Variants in MYO1B observed in about 807,000 individuals in gnomAD.
MYO1B encodes the protein myosin IB, also known as unconventional myosin-Ib.
Under a neutral mutation model 159.7 loss-of-function variants are expected in MYO1B, and 72 were observed. The ratio of observed to expected loss-of-function variants is 0.45; its 90% CI spans 0.37 to 0.55. MYO1B has a LOEUF of 0.55. Among genes scored for constraint, MYO1B ranks in the 20% least tolerant of loss-of-function variants. The pLI is 0.00. For missense variants in MYO1B, 1,062 were observed against 1,364.8 expected, an observed-to-expected ratio of 0.78 and a Z score of 3.50; for synonymous variants, 468 against 473.8, an observed-to-expected ratio of 0.99 and a Z score of 0.16.
intron 4 of MYO1B, among the ~76,000 whole-genome samples, chr2:191,330,249 C>T (rs7561305): frequency 1.4e-4 from 21 of 152,216 alleles, no homozygotes; most frequent in African/African-American, 4.3e-4. Context: ...AGTCTAGTGC[C>T]GGATTCTAGA....
intron 3 of MYO1B, among the ~76,000 whole-genome samples, chr2:191,318,474 T>G (rs1273011043): frequency 6.6e-6 from 1 of 152,216 alleles, no homozygotes; most frequent in South Asian, 2.1e-4. Flanking sequence ...ATGTGTACTA[T>G]GTAGAGCTCC....
chr2:191,334,255 C>T (rs796084157), intron 4 of MYO1B, among the ~76,000 whole-genome samples: 2 of 152,052 alleles, frequency 1.3e-5, no homozygotes, highest in South Asian at 4.2e-4. Flanking sequence ...GAAGACAGCA[C>T]GTCCACTAAT....
Position 191,411,094 on chromosome 2 carries a change from A to G in MYO1B, c.2795A>G (p.Asp932Gly), listed in dbSNP as rs772806903. 2.5e-6 allele frequency: 4 copies of G among 1,611,580 alleles called. No individual in the cohort carries two copies. Among genetic ancestry groups the G allele is most frequent in the Non-Finnish European group, 3.4e-6 (4 of 1,179,100 alleles). The change falls in exon 27 of 31, where the codon GAC becomes GGC. Residue 932 changes from aspartate to glycine, a missense_variant. By Grantham distance (94) the Asp-to-Gly change is moderately conservative (BLOSUM62 -1). Coordinates refer to ENST00000392318, the MANE Select transcript of MYO1B (RefSeq NM_001130158.3). ...RCKKYRDQFT[D>G]QQKLIYEEKL... Reference sequence around the variant, plus strand: ...AAAAAATACAGGGACCAATTCACAGACCAGCAGAAACTTATTTATGAAGAG... The same window carrying G: ...AAAAAATACAGGGACCAATTCACAGGCCAGCAGAAACTTATTTATGAAGAG...
intron 11 of MYO1B, among the ~76,000 whole-genome samples, chr2:191,369,257 G>A (rs115129521): frequency 2.6e-5 from 4 of 152,020 alleles, no homozygotes; most frequent in Non-Finnish European, 4.4e-5. Flanking sequence ...TCTAAATTGC[G>A]TCTGATTTTT....
At position 191,392,205 on chromosome 2, in the gene MYO1B, T is replaced by A; in HGVS notation, c.2076+4T>A. 6.3e-7 allele frequency: 1 copy of A among 1,593,034 alleles called. No individual in the cohort carries two copies. Among genetic ancestry groups the A allele is most frequent in the Non-Finnish European group, 8.6e-7 (1 of 1,164,410 alleles). ...ATTCATCCGAAACCCAAGAACAGTA[T>A]GTAACGAAAACCTTTACACTCTGAA... On this transcript the variant is annotated splice_donor_region_variant and intron_variant, in intron 19 of 30. Coordinates refer to ENST00000392318, the MANE Select transcript of MYO1B (RefSeq NM_001130158.3).
intron 3 of MYO1B, among the ~76,000 whole-genome samples, chr2:191,301,006 G>T (rs1002504025): frequency 1.3e-5 from 2 of 152,020 alleles, no homozygotes; most frequent in South Asian, 4.1e-4. Flanking sequence ...TTGTGGGTCT[G>T]TTAGTCCCCC....
At chr2:191,309,176 G>A (rs1689836787) in intron 3 of MYO1B, among the ~76,000 whole-genome samples, 1 of 152,122 alleles carries the variant, frequency 6.6e-6, no homozygotes, top group African/African-American at 2.4e-5. Context: ...CTTCAAACCA[G>A]ACTTAGGATT....
At chr2:191,397,815 C>T (rs76539043) in intron 21 of MYO1B, among the ~76,000 whole-genome samples, 111,827 of 136,606 alleles carry the variant, frequency 0.82, 49,038 homozygotes, top group Non-Finnish European at 0.97. Flanking sequence ...TCTGGCCGGG[C>T]GGGGGGCTGA....
intron 30 of MYO1B, among the ~76,000 whole-genome samples, chr2:191,418,292 A>AGCTGACACAT (rs1697702501): frequency 2.0e-5 from 3 of 152,102 alleles, no homozygotes; most frequent in African/African-American, 7.2e-5. Context: ...TGTCAGCCCT[A>AGCTGACACAT]AGTGGCTTCG....
At chr2:191,315,025 C>G (rs1690253164) in intron 3 of MYO1B, among the ~76,000 whole-genome samples, 1 of 152,102 alleles carries the variant, frequency 6.6e-6, no homozygotes. Flanking sequence ...GTAAGAGTTG[C>G]AAATGTTACA....
chr2:191,397,189 T>TTTA (rs1159859404), intron 21 of MYO1B, among the ~76,000 whole-genome samples: 8 of 148,008 alleles, frequency 5.4e-5, no homozygotes, highest in African/African-American at 2.0e-4. Flanking sequence ...TATTTTTTAT[T>TTTA]TTATTTTATT....
intron 3 of MYO1B, among the ~76,000 whole-genome samples, chr2:191,298,665 A>G (rs547548342): frequency 6.6e-6 from 1 of 152,308 alleles, no homozygotes; most frequent in South Asian, 2.1e-4. Flanking sequence ...AACAATAATA[A>G]TAGTAATAAT....
chr2:191,389,273 T>C (rs1414473099), intron 17 of MYO1B, among the ~76,000 whole-genome samples: 1 of 152,250 alleles, frequency 6.6e-6, no homozygotes, highest in Non-Finnish European at 1.5e-5. Context: ...AATTTCACAG[T>C]TGTAGTTAGG....
At chr2:191,328,553 C>T (rs907897828) in intron 3 of MYO1B, among the ~76,000 whole-genome samples, 6 of 152,206 alleles carry the variant, frequency 3.9e-5, no homozygotes, top group Admixed American at 6.5e-5. Context: ...AATGACTAAA[C>T]GTAAAGAGCT....
Position 191,414,547 on chromosome 2 carries a change from A to G in MYO1B, c.3037A>G (p.Asn1013Asp). 6.2e-7 allele frequency: 1 copy of G among 1,611,886 alleles called. No individual in the cohort carries two copies. Residue 1013 changes from asparagine to aspartate, a missense_variant, in exon 29 of 31, where the codon AAT becomes GAT. Physicochemically the swap from Asn to Asp is conservative, Grantham distance 23 (BLOSUM62 1). Transcript: ENST00000392318. The part of the protein sequence containing the change: ...STSRIFLLTN[N>D]NLLLADQKSG... ...ATCTCGGATTTTCCTCTTAACAAAC[A>G]ATAATCTCCTTCTTGCTGACCAAAA...
rs148048883 is a variant in MYO1B at position 191,281,902 on chromosome 2, G to A, written c.135+4872G>A. Among the ~76,000 whole-genome samples, 110 of 152,296 alleles carry A rather than the reference G, an allele frequency of 7.2e-4. 1 individual carries two copies. The highest frequency in any genetic ancestry group is 3.4e-3 in the Middle Eastern group (1 of 294). On this transcript the variant is annotated intron_variant, in intron 2 of 30. Transcript: ENST00000392318. ...TTTTAGATCTTATGTTAAACTAATTGTAGTTGTAGGAGTGACTACTTTAAA... is the reference window on the plus strand; with the variant it reads ...TTTTAGATCTTATGTTAAACTAATTATAGTTGTAGGAGTGACTACTTTAAA...
chr2:191,267,677 C>T (rs1687223234), intron 1 of MYO1B, among the ~76,000 whole-genome samples: 1 of 152,202 alleles, frequency 6.6e-6, no homozygotes. Flanking sequence ...GCAGGGCACC[C>T]CGTGTGGTTC....
At chr2:191,398,393 G>C (rs1398397265) in intron 21 of MYO1B, among the ~76,000 whole-genome samples, 1 of 104,522 alleles carries the variant, frequency 9.6e-6, no homozygotes, top group East Asian at 2.7e-4. Context: ...CTCACCTCCC[G>C]GACGGGGCGG....
rs932592834 is a variant in MYO1B at position 191,396,462 on chromosome 2, G to A, written c.2260G>A (p.Ala754Thr). 1.9e-6 allele frequency: 3 copies of A among 1,614,126 alleles called. No homozygotes were observed. Among genetic ancestry groups the A allele is most frequent in the East Asian group, 2.2e-5 (1 of 44,874 alleles). Residue 754 changes from alanine (A) to threonine (T), a missense_variant, in exon 21 of 31, where the codon GCC becomes ACC. By Grantham distance (58) the Ala-to-Thr change is moderately conservative (BLOSUM62 0). Transcript: ENST00000392318. ...GAGGTACCAGCAGACAAAGAGTTCC[G>A]CCTTAGTAATTCAGTCTTATATCCG... ...QKRYQQTKSS[A>T]LVIQSYIRGW...
Sources: allele counts gnomAD v4.1 joint callset (sites outside exome capture counted in the v4.1 genomes callset), GRCh38; gene constraint gnomAD v4.1.1; transcripts MANE v1.5; gene names NCBI Gene and HGNC (gene_info 2026-07-23, HGNC 2026-07-21).